Variants in POLR3B observed in about 807,000 individuals in gnomAD.
The protein encoded by POLR3B is RNA polymerase III subunit B, also known as DNA-directed RNA polymerase III subunit RPC2.
POLR3B carries 96 observed loss-of-function variants against 147.4 expected under a neutral mutation model. The ratio of observed to expected loss-of-function variants is 0.65; its 90% CI spans 0.55 to 0.77. POLR3B has a LOEUF of 0.77. POLR3B is among the 30% of genes least tolerant of loss of function. The pLI is 0.00. For synonymous variants in POLR3B, 461 were observed against 485.9 expected (o/e 0.95, Z 0.67); for missense variants, 1,036 against 1,413.5 (o/e 0.73, Z 4.28).
rs920770958 is a variant in POLR3B at position 106,372,345 on chromosome 12, T to G, written c.404+2662T>G. Among the ~76,000 whole-genome samples, 53 of 148,780 alleles carry G rather than the reference T, an allele frequency of 3.6e-4. No homozygotes were observed. In the East Asian group the frequency reaches 3.9e-3, roughly 11 times the overall value. On this transcript the variant is annotated intron_variant, in intron 6 of 27. Coordinates refer to ENST00000228347, the MANE Select transcript of POLR3B (RefSeq NM_018082.6). The stretch of plus-strand genomic sequence containing the variant: ...TTTGTGTGTGTGTGTTTTTTTTTTT[T>G]TTTTTTTTTTTGAGATGGAATTCAC...
chr12:106,362,863 G>A (rs778674305), intron 1 of POLR3B, among the ~76,000 whole-genome samples: 9 of 151,908 alleles, frequency 5.9e-5, no homozygotes, highest in Non-Finnish European at 1.0e-4. Flanking sequence ...TAGATATTCA[G>A]TTACATTGGT....
At chr12:106,430,209 C>A in intron 13 of POLR3B, 64 bp from the exon 14 acceptor site, 2 of 1,258,880 alleles carry the variant, frequency 1.6e-6, no homozygotes, top group Admixed American at 1.7e-5. Context: ...TTGGAGTGAC[C>A]GCACGGTATC....
intron 26 of POLR3B, among the ~76,000 whole-genome samples, chr12:106,502,498 A>G (rs7301296): frequency 0.95 from 145,431 of 152,290 alleles, 69,501 homozygotes; most frequent in East Asian, 1. Flanking sequence ...TGTGTACAGC[A>G]CCCATCCACA....
intron 21 of POLR3B, among the ~76,000 whole-genome samples, chr12:106,458,231 C>G (rs906493832): frequency 1.3e-5 from 2 of 152,044 alleles, no homozygotes; most frequent in African/African-American, 4.8e-5. Context: ...AAGTGATTCT[C>G]CCACTTCAAC....
At chr12:106,404,495 T>A (rs2037123276) in intron 10 of POLR3B, among the ~76,000 whole-genome samples, 1 of 152,212 alleles carries the variant, frequency 6.6e-6, no homozygotes, top group Non-Finnish European at 1.5e-5. Context: ...CTCATGGTTT[T>A]AGTTTTTATT....
At chr12:106,500,691 G>A (rs1416586925) in intron 25 of POLR3B, among the ~76,000 whole-genome samples, 1 of 152,174 alleles carries the variant, frequency 6.6e-6, no homozygotes, top group Non-Finnish European at 1.5e-5. Flanking sequence ...GAAACGGTAA[G>A]TCAGAGGCCC....
At chr12:106,474,296 C>T (rs1245954713) in intron 23 of POLR3B, among the ~76,000 whole-genome samples, 5 of 133,488 alleles carry the variant, frequency 3.7e-5, no homozygotes, top group East Asian at 2.1e-4. Flanking sequence ...TTTGCATCAA[C>T]GTTCATCAAG....
intron 12 of POLR3B, among the ~76,000 whole-genome samples, chr12:106,426,648 T>C (rs1389054523): frequency 6.6e-6 from 1 of 152,110 alleles, no homozygotes; most frequent in African/African-American, 2.4e-5. Flanking sequence ...TCAGAGTGAT[T>C]ACTACACATG....
rs113017214 is a variant in POLR3B, at chr12:106,509,468, G to T, written c.3321G>T (p.Pro1107=). The change falls in exon 28 of 28, where the codon CCG becomes CCT. Residue 1107 remains proline (P), a synonymous_variant. Transcript: ENST00000228347. ...GCCACGTGTCTTCCCTCCGTATTCCGTATGCCTGCAAGCTGCTCTTCCAGG... is the reference window on the plus strand; with the variant it reads ...GCCACGTGTCTTCCCTCCGTATTCCTTATGCCTGCAAGCTGCTCTTCCAGG... ...SSCHVSSLRI[P]YACKLLFQEL... The T allele has an allele frequency of 6.2e-7, 1 of 1,613,328 alleles. No individual in the cohort carries two copies. Among genetic ancestry groups the T allele is most frequent in the Non-Finnish European group, 8.5e-7 (1 of 1,179,434 alleles).
intron 6 of POLR3B, among the ~76,000 whole-genome samples, chr12:106,369,902 C>T (rs553248062): frequency 6.6e-6 from 1 of 151,900 alleles, no homozygotes; most frequent in East Asian, 1.9e-4. Flanking sequence ...AAAATGTTTC[C>T]CTTTCCTACT....
intron 8 of POLR3B, among the ~76,000 whole-genome samples, chr12:106,379,011 C>T (rs559924627): frequency 1.3e-5 from 2 of 152,134 alleles, no homozygotes; most frequent in African/African-American, 2.4e-5. Context: ...TAACCTACAA[C>T]GAACTGATTA....
intron 23 of POLR3B, among the ~76,000 whole-genome samples, chr12:106,472,439 C>T (rs1413881032): frequency 2.0e-5 from 3 of 148,144 alleles, no homozygotes; most frequent in Middle Eastern, 3.2e-3. Flanking sequence ...AATCGCCACA[C>T]TGACTTCCAC....
chr12:106,398,224 C>A (rs926757776), intron 10 of POLR3B, among the ~76,000 whole-genome samples: 5 of 152,228 alleles, frequency 3.3e-5, no homozygotes, highest in African/African-American at 1.2e-4. Flanking sequence ...CCCACGGAGT[C>A]TCGCTCATTG....
chr12:106,500,638 C>T (rs769570761), intron 25 of POLR3B, among the ~76,000 whole-genome samples: 1 of 152,134 alleles, frequency 6.6e-6, no homozygotes, highest in Non-Finnish European at 1.5e-5. Flanking sequence ...AAATGTTTGA[C>T]AGAGCCATAT....
At chr12:106,402,136 G>A (rs920487660) in intron 10 of POLR3B, among the ~76,000 whole-genome samples, 45 of 151,870 alleles carry the variant, frequency 3.0e-4, no homozygotes, top group African/African-American at 1.0e-3. Flanking sequence ...AAATCAATGT[G>A]CAAAAATCAC....
At chr12:106,401,118 G>A (rs575163151) in intron 10 of POLR3B, among the ~76,000 whole-genome samples, 12 of 152,026 alleles carry the variant, frequency 7.9e-5, no homozygotes, top group African/African-American at 2.7e-4. Flanking sequence ...TCAAATAGAC[G>A]CAATAAAAAG....
At chr12:106,461,939 C>A in intron 22 of POLR3B, among the ~76,000 whole-genome samples, 1 of 152,180 alleles carries the variant, frequency 6.6e-6, no homozygotes, top group East Asian at 1.9e-4. Flanking sequence ...TGCCCAGTGT[C>A]AGCTTCATAT....
chr12:106,482,044 A>T (rs961262457), intron 23 of POLR3B, among the ~76,000 whole-genome samples: 1 of 152,260 alleles, frequency 6.6e-6, no homozygotes, highest in Non-Finnish European at 1.5e-5. Flanking sequence ...AAATGCTAAC[A>T]ATCATCAGAG....
intron 16 of POLR3B, among the ~76,000 whole-genome samples, chr12:106,436,260 G>A (rs2037574782): frequency 6.6e-6 from 1 of 152,184 alleles, no homozygotes; most frequent in Admixed American, 6.6e-5. Context: ...TGTAAGAGCT[G>A]CTTATCCAAA....
Sources: allele counts gnomAD v4.1 joint callset (sites outside exome capture counted in the v4.1 genomes callset), GRCh38; gene constraint gnomAD v4.1.1; transcripts MANE v1.5; gene names NCBI Gene and HGNC (gene_info 2026-07-23, HGNC 2026-07-21).